The following SGCD variants were observed in gnomAD, a reference collection of about 807,000 sequenced individuals.
SGCD encodes delta-sarcoglycan.
A neutral mutation model predicts 36.6 loss-of-function variants in SGCD; 18 were observed. The observed-to-expected ratio is 0.49, with a 90% confidence interval of 0.34 to 0.73. SGCD has a LOEUF of 0.73. Ranked by LOEUF, SGCD falls within the 30% of genes least tolerant of loss-of-function variation. The probability of loss-of-function intolerance (pLI) is 0.01; values close to 1 mark genes in which losing one functional copy is unlikely to be tolerated. For synonymous variants in SGCD, 133 were observed against 130.6 expected, an observed-to-expected ratio of 1.02 and a Z score of -0.12; for missense variants, 387 against 346.7, an observed-to-expected ratio of 1.12 and a Z score of -0.92.
chr5:156,006,074 A>G (rs1478643240), intron 1 of SGCD, among the ~76,000 whole-genome samples: 1 of 152,196 alleles, frequency 6.6e-6, no homozygotes, highest in African/African-American at 2.4e-5. Flanking sequence ...ATCATATGAG[A>G]ATATGCAGTT....
At chr5:156,123,505 A>T (rs532408455) in intron 2 of SGCD, among the ~76,000 whole-genome samples, 1 of 152,120 alleles carries the variant, frequency 6.6e-6, no homozygotes, top group East Asian at 1.9e-4. Context: ...GTTTTTGTAT[A>T]CTAAAGATTT....
At chr5:156,749,073 T>G (rs976793997) in intron 7 of SGCD, among the ~76,000 whole-genome samples, 6 of 152,140 alleles carry the variant, frequency 3.9e-5, no homozygotes, top group Admixed American at 3.9e-4. Flanking sequence ...GCTCAATTTT[T>G]AAGGAACTGA....
the SGCD span, among the ~76,000 whole-genome samples, chr5:155,857,346 T>C: frequency 4.6e-5 from 7 of 152,220 alleles, no homozygotes; most frequent in Non-Finnish European, 8.8e-5. Context: ...AAGAGTTCTG[T>C]AGCAGCTTAC....
intron 1 of SGCD, among the ~76,000 whole-genome samples, chr5:155,953,346 TG>T (rs1581009342): frequency 6.6e-6 from 1 of 152,200 alleles, no homozygotes; most frequent in African/African-American, 2.4e-5. Context: ...GTCTGTCTCC[TG>T]TTTTGGTAAG....
chr5:156,312,167 G>A (rs1343538789), intron 3 of SGCD, among the ~76,000 whole-genome samples: 1 of 152,166 alleles, frequency 6.6e-6, no homozygotes, highest in Non-Finnish European at 1.5e-5. Context: ...TTCTCACAAA[G>A]ACTCTGAGAA....
chr5:156,755,845 G>A (rs1240821117), intron 7 of SGCD, among the ~76,000 whole-genome samples: 1 of 152,144 alleles, frequency 6.6e-6, no homozygotes, highest in Admixed American at 6.5e-5. Context: ...ATTGTAGGGG[G>A]GGACAATTCA....
At chr5:156,713,692 G>A (rs561132935) in intron 7 of SGCD, among the ~76,000 whole-genome samples, 32 of 152,264 alleles carry the variant, frequency 2.1e-4, no homozygotes, top group African/African-American at 7.2e-4. Context: ...CAAATCTCCC[G>A]AACAAAAGGG....
At chr5:156,404,137 C>T (rs942034506) in intron 3 of SGCD, among the ~76,000 whole-genome samples, 1 of 152,092 alleles carries the variant, frequency 6.6e-6, no homozygotes, top group Non-Finnish European at 1.5e-5. Context: ...GCCTGGCCTT[C>T]CTCACCTCTC....
chr5:155,881,326 A>ATAAAT (rs1554101938), intron 1 of SGCD, among the ~76,000 whole-genome samples: 1 of 151,920 alleles, frequency 6.6e-6, no homozygotes, highest in African/African-American at 2.4e-5. Context: ...AAATAAATAA[A>ATAAAT]GAATATAGCA....
intron 3 of SGCD, among the ~76,000 whole-genome samples, chr5:156,195,599 GC>G (rs1345520002): frequency 1.3e-5 from 2 of 152,096 alleles, no homozygotes; most frequent in African/African-American, 4.8e-5. Context: ...TAATGTACAT[GC>G]TTTTTGATTT....
At chr5:155,841,084 C>A in the SGCD span, among the ~76,000 whole-genome samples, 2 of 142,312 alleles carry the variant, frequency 1.4e-5, no homozygotes, top group Non-Finnish European at 3.0e-5. Context: ...GGCATTGTTT[C>A]TTTTAGGGCT....
chr5:156,366,561 A>C (rs1770116882), intron 3 of SGCD, among the ~76,000 whole-genome samples: 1 of 152,226 alleles, frequency 6.6e-6, no homozygotes. Context: ...CAGAAGAAAA[A>C]ATAAAACTGG....
intron 3 of SGCD, among the ~76,000 whole-genome samples, chr5:156,373,434 G>A (rs1036672042): frequency 4.6e-5 from 7 of 152,126 alleles, no homozygotes; most frequent in African/African-American, 1.2e-4. Context: ...CAATGAGACC[G>A]CCCAAGGCTA....
At chr5:156,157,896 A>G (rs960906812) in intron 3 of SGCD, among the ~76,000 whole-genome samples, 1 of 151,814 alleles carries the variant, frequency 6.6e-6, no homozygotes, top group East Asian at 1.9e-4. Flanking sequence ...TTAGTTTCTT[A>G]ATTTATATCC....
At chr5:155,776,210 G>A in the SGCD span, among the ~76,000 whole-genome samples, 262 of 152,180 alleles carry the variant, frequency 1.7e-3, 2 homozygotes, top group African/African-American at 6.1e-3. Context: ...ATATAGGACG[G>A]CAATTCTTTC....
intron 3 of SGCD, among the ~76,000 whole-genome samples, chr5:156,225,003 T>C (rs1227251516): frequency 1.3e-5 from 2 of 152,130 alleles, no homozygotes; most frequent in Non-Finnish European, 2.9e-5. Flanking sequence ...ATTTTGCTTA[T>C]TGTGGGCAAG....
At chr5:156,686,604 A>T (rs1753914299) in intron 7 of SGCD, among the ~76,000 whole-genome samples, 1 of 152,194 alleles carries the variant, frequency 6.6e-6, no homozygotes, top group Non-Finnish European at 1.5e-5. Context: ...ATAGTACTTG[A>T]TACAAAGCTT....
In SGCD at chr5:156,143,724, TC is replaced by T. The variant is rs1378362509; in HGVS notation, c.-44+19706del. On this transcript the variant is annotated intron_variant, in intron 3 of 9. Transcript: ENST00000517913. ...CATACGGCCTGCAGCCTCATTCTTT[TC>T]TTTTTTTTGCAATTTTTTTTTTAAA... 2.6e-5 allele frequency among the ~76,000 whole-genome samples: 4 copies of T among 152,192 alleles called. No individual in the cohort carries two copies. The East Asian group carries it at 7.7e-4, about 29-fold the overall frequency.
chr5:156,437,694 A>T (rs948875307), intron 3 of SGCD, among the ~76,000 whole-genome samples: 3 of 152,188 alleles, frequency 2.0e-5, no homozygotes, highest in Admixed American at 6.6e-5. Flanking sequence ...AACAAAGGGG[A>T]GTCACAATTT....
Sources: gnomAD v4.1 joint callset for allele counts (sites outside exome capture counted in the v4.1 genomes callset) on GRCh38, gnomAD v4.1.1 for gene constraint, MANE v1.5 for transcripts, NCBI Gene and HGNC (gene_info 2026-07-23, HGNC 2026-07-21) for gene names.